The following CACHD1 variants were observed in gnomAD, a reference collection of about 807,000 sequenced individuals.
CACHD1 encodes VWFA and cache domain-containing protein 1.
Under a neutral mutation model 138.7 loss-of-function variants are expected in CACHD1, and 71 were observed. The observed-to-expected ratio is 0.51, with a 90% CI of 0.42 to 0.62. The LOEUF (loss-of-function observed/expected upper bound fraction) is 0.62, where lower values mean the gene tolerates loss of function less well. Among genes scored for constraint, CACHD1 ranks in the 20% least tolerant of loss-of-function variants. The probability of loss-of-function intolerance (pLI) is 0.00; values close to 1 mark genes in which losing one functional copy is unlikely to be tolerated. For synonymous variants in CACHD1, 578 were observed against 591.5 expected, an observed-to-expected ratio of 0.98 and a Z score of 0.33; for missense variants, 1,389 against 1,625.3, an observed-to-expected ratio of 0.85 and a Z score of 2.50.
At chr1:64,653,536 T>A (rs2100684072) in intron 10 of CACHD1, among the ~76,000 whole-genome samples, 1 of 152,290 alleles carries the variant, frequency 6.6e-6, no homozygotes, top group African/African-American at 2.4e-5. Flanking sequence ...CAAAATACTC[T>A]TGATGAGACA....
At chr1:64,609,959 G>A (rs912329529) in intron 4 of CACHD1, among the ~76,000 whole-genome samples, 27 of 151,916 alleles carry the variant, frequency 1.8e-4, no homozygotes, top group African/African-American at 6.5e-4. Context: ...GCATGGCTGG[G>A]GAGGCCTCAG....
At chr1:64,652,418 AT>A (rs1649127701) in intron 10 of CACHD1, 108 bp downstream of exon 10, 2 of 997,290 alleles carry the variant, frequency 2.0e-6, no homozygotes, top group Non-Finnish European at 2.9e-6. Flanking sequence ...AAAGAAGAGC[AT>A]TGTGACTAAG....
In CACHD1 at chr1:64,690,127, C is replaced by G. The variant is rs529332012; in HGVS notation, c.3587-1196C>G. ...AGCTTTTGAGCTCCCTATGCAGGGACCAGGCTTTCATCTTTATATGTCTTC... is the reference window on the plus strand; with the variant it reads ...AGCTTTTGAGCTCCCTATGCAGGGAGCAGGCTTTCATCTTTATATGTCTTC... On this transcript the variant is annotated intron_variant, in intron 26 of 26. Coordinates refer to ENST00000651257, the MANE Select transcript of CACHD1 (RefSeq NM_020925.4). Among the ~76,000 whole-genome samples the G allele has an allele frequency of 2.6e-5, 4 of 152,318 alleles. No individual in the cohort carries two copies. The South Asian group carries it at 8.3e-4, about 32-fold the overall frequency.
At chr1:64,593,288 G>A (rs1436747) in intron 3 of CACHD1, among the ~76,000 whole-genome samples, 4,846 of 152,240 alleles carry the variant, frequency 0.032, 271 homozygotes, top group African/African-American at 0.11. Context: ...ACAGTTTTGT[G>A]TAGAATGATG....
intron 1 of CACHD1, among the ~76,000 whole-genome samples, chr1:64,528,559 T>C (rs1044578519): frequency 2.0e-5 from 3 of 152,206 alleles, no homozygotes; most frequent in Non-Finnish European, 4.4e-5. Context: ...GAGATTTACT[T>C]TGAATAAATT....
chr1:64,478,784 C>T (rs993675271), intron 1 of CACHD1, among the ~76,000 whole-genome samples: 3 of 152,034 alleles, frequency 2.0e-5, no homozygotes, highest in African/African-American at 7.3e-5. Context: ...TGTAGGTAAG[C>T]AGGGAGTGGT....
At chr1:64,679,490 C>A in intron 23 of CACHD1, 105 bp from the exon 24 acceptor site, 1 of 1,280,900 alleles carries the variant, frequency 7.8e-7, no homozygotes, top group Non-Finnish European at 1.1e-6. Flanking sequence ...TGTTTATCTT[C>A]CGCCAACCCC....
chr1:64,634,222 TGATTC>T lies in CACHD1; in HGVS notation c.971_975del (p.Ile324LysfsTer5). ...GTGGGATTCCAAAAGGCATTTCAGC[TGATTC>T]GAAGTACAAACAATAACACAAAGTT... On this transcript the variant is annotated frameshift_variant, in exon 7 of 27. Coordinates refer to ENST00000651257, the MANE Select transcript of CACHD1 (RefSeq NM_020925.4). LOFTEE classifies it high-confidence loss of function. The T allele has an allele frequency of 6.2e-7, 1 of 1,613,914 alleles. No homozygotes were observed. Among genetic ancestry groups the T allele is most frequent in the Non-Finnish European group, 8.5e-7 (1 of 1,179,988 alleles).
At chr1:64,562,348 T>A (rs1442281046) in intron 2 of CACHD1, among the ~76,000 whole-genome samples, 2 of 46,076 alleles carry the variant, frequency 4.3e-5, no homozygotes, top group Non-Finnish European at 9.4e-5. Context: ...TTCTTCTCTT[T>A]TTAAATTTTT....
intron 1 of CACHD1, among the ~76,000 whole-genome samples, chr1:64,485,364 A>G (rs72919014): frequency 0.01 from 1,554 of 152,274 alleles, 23 homozygotes; most frequent in African/African-American, 0.036. Flanking sequence ...CTCCATATCT[A>G]TAGTTTTGCC....
At chr1:64,524,885 G>T (rs1403852150) in intron 1 of CACHD1, among the ~76,000 whole-genome samples, 1 of 151,888 alleles carries the variant, frequency 6.6e-6, no homozygotes, top group Admixed American at 6.6e-5. Flanking sequence ...CCTTAATATA[G>T]CACTCCCATG....
chr1:64,506,561 A>T (rs898712030), intron 1 of CACHD1: 2 of 152,276 alleles, frequency 1.3e-5, no homozygotes, highest in Non-Finnish European at 2.9e-5. Context: ...CCACATGCTC[A>T]TGACAGCAGA....
rs1418438922 is a variant in CACHD1, at chr1:64,688,716, C to CA, written c.3587-2606dup. On this transcript the variant is annotated intron_variant, in intron 26 of 26. Coordinates refer to ENST00000651257, the MANE Select transcript of CACHD1 (RefSeq NM_020925.4). ...CTAGATCATAGCTCATAGCTTCAGC[C>CA]AGCCTTCTTGACCTGGTCTTAGCCT... Among the ~76,000 whole-genome samples, 4 of 152,168 alleles carry CA rather than the reference C, an allele frequency of 2.6e-5. No individual in the cohort carries two copies. The East Asian group carries it at 7.7e-4, about 29-fold the overall frequency.
At chr1:64,523,831 A>ATGAT (rs10680697) in intron 1 of CACHD1, among the ~76,000 whole-genome samples, 145,830 of 152,174 alleles carry the variant, frequency 0.96, 69,904 homozygotes, top group African/African-American at 0.99. Context: ...TTCTTTTCCA[A>ATGAT]TGATTGTGCT....
intron 4 of CACHD1, among the ~76,000 whole-genome samples, chr1:64,626,780 A>T (rs1648114883): frequency 1.3e-5 from 2 of 152,190 alleles, no homozygotes; most frequent in Admixed American, 1.3e-4. Flanking sequence ...TCCCAACACC[A>T]TCTCAATGAC....
chr1:64,673,680 A>G (rs1341814013), intron 19 of CACHD1, among the ~76,000 whole-genome samples: 1 of 152,172 alleles, frequency 6.6e-6, no homozygotes, highest in Non-Finnish European at 1.5e-5. Flanking sequence ...AAGGTCTCTC[A>G]GTTGGTATTT....
chr1:64,641,732 G>T (rs1265860205), intron 7 of CACHD1, 88 bp from the exon 8 acceptor site: 1 of 1,000,590 alleles, frequency 1.0e-6, no homozygotes, highest in Non-Finnish European at 1.4e-6. Context: ...CCTCGAGGTG[G>T]GGAAGTCCAA....
intron 2 of CACHD1, among the ~76,000 whole-genome samples, chr1:64,576,727 G>A (rs999110570): frequency 6.6e-6 from 1 of 152,136 alleles, no homozygotes; most frequent in Admixed American, 6.5e-5. Flanking sequence ...CATAGTCAAG[G>A]TGAAATTCTT....
At position 64,692,585 on chromosome 1, in the gene CACHD1, A is replaced by C. The variant is rs1570492060; in HGVS notation, c.*1024A>C. 6.6e-6 allele frequency: 1 copy of C among 152,174 alleles called. No individual in the cohort carries two copies. The highest frequency in any genetic ancestry group is 2.4e-5 in the African/African-American group (1 of 41,438). 9.4% of individuals were successfully genotyped at this position (152,174 alleles called of 1,614,324 possible). A position where few individuals can be genotyped will look rare whatever the true frequency, so the allele number is the denominator to read the frequency against. ...TCCCATTTTGACTGAGAATATTGAC[A>C]TATAAGGGAAGAAGTTTTCTAAATT... On this transcript the variant is annotated 3_prime_UTR_variant, in exon 27 of 27. Transcript: ENST00000651257.
Sources: allele counts gnomAD v4.1 joint callset (sites outside exome capture counted in the v4.1 genomes callset), GRCh38; gene constraint gnomAD v4.1.1; transcripts MANE v1.5; gene names NCBI Gene and HGNC (gene_info 2026-07-23, HGNC 2026-07-21).